OTOGL: variants seen among roughly 807,000 people sequenced by gnomAD.
OTOGL encodes otogelin like, also known as otogelin-like protein.
A neutral mutation model predicts 318.5 loss-of-function variants in OTOGL; 285 were observed. The ratio of observed to expected loss-of-function variants is 0.89; its 90% CI spans 0.81 to 0.99. OTOGL has a LOEUF of 0.99. Among genes scored for constraint, OTOGL ranks in the 50% least tolerant of loss-of-function variants. OTOGL has a pLI of 0.00. For synonymous variants in OTOGL, 987 were observed against 936.5 expected (o/e 1.05, Z -0.99); for missense variants, 2,899 against 2,845.6 (o/e 1.02, Z -0.43).
At chr12:80,283,299 G>A (rs988992739) in intron 26 of OTOGL, among the ~76,000 whole-genome samples, 26 of 151,972 alleles carry the variant, frequency 1.7e-4, no homozygotes, top group Middle Eastern at 6.8e-3. Flanking sequence ...TTCCAATAGC[G>A]TCATAAAGTC....
rs1390780609 is a variant in OTOGL at position 80,266,448 on chromosome 12, T to C, written c.2225-3T>C. ...TTCTCAAGTGATACTTCTTTGTCCT[T>C]AGCTGTGGTGTGCCAGAAGGGCATG... On this transcript the variant is annotated splice_polypyrimidine_tract_variant and splice_region_variant and intron_variant, in intron 20 of 58. Coordinates refer to ENST00000547103, the MANE Select transcript of OTOGL (RefSeq NM_001378609.3). 6.2e-7 allele frequency: 1 copy of C among 1,613,294 alleles called. No homozygotes were observed. Among genetic ancestry groups the C allele is most frequent in the African/African-American group, 1.3e-5 (1 of 75,020 alleles).
chr12:80,316,863 T>C (rs1887005367), intron 32 of OTOGL, among the ~76,000 whole-genome samples: 1 of 152,182 alleles, frequency 6.6e-6, no homozygotes, highest in Non-Finnish European at 1.5e-5. Flanking sequence ...CTAGTCCTTT[T>C]TGGGCATTTA....
chr12:80,282,849 T>C (rs754376806), intron 26 of OTOGL, among the ~76,000 whole-genome samples: 1 of 151,946 alleles, frequency 6.6e-6, no homozygotes, highest in Non-Finnish European at 1.5e-5. Context: ...GATATTATGA[T>C]TCTTTCTCTC....
intron 57 of OTOGL, among the ~76,000 whole-genome samples, chr12:80,374,309 AATG>A (rs1891061383): frequency 6.6e-6 from 1 of 152,098 alleles, no homozygotes. Context: ...AGCACCTCCT[AATG>A]ATCTCATTTT....
At chr12:80,195,899 A>G (rs912811822) in intron 1 of OTOGL, among the ~76,000 whole-genome samples, 2 of 152,218 alleles carry the variant, frequency 1.3e-5, no homozygotes, top group Non-Finnish European at 2.9e-5. Context: ...TTAAACGGTT[A>G]CCAGAATATC....
In OTOGL at chr12:80,257,970, C is replaced by T. The variant is rs1446800280; in HGVS notation, c.1857C>T (p.Gly619=). Residue 619 remains glycine, a synonymous_variant, in exon 18 of 59, where the codon GGC becomes GGT. Transcript: ENST00000547103. ...AWKRRTLGLC[G]TFNGNIRDDF... ...AAAGAAGAACATTAGGTCTGTGTGG[C>T]ACTTTTAATGGCAACATAAGGGATG... The T allele has an allele frequency of 1.9e-6, 3 of 1,593,266 alleles. No individual in the cohort carries two copies. The highest frequency in any genetic ancestry group is 1.7e-4 in the Middle Eastern group (1 of 6,000).
intron 11 of OTOGL, among the ~76,000 whole-genome samples, chr12:80,249,419 C>G (rs533091398): frequency 6.6e-6 from 1 of 151,350 alleles, no homozygotes; most frequent in Admixed American, 6.6e-5. Flanking sequence ...TTGGAATACC[C>G]TGCCGTGTGA....
At chr12:80,207,405 A>G (rs987444401) in intron 1 of OTOGL, among the ~76,000 whole-genome samples, 1 of 151,970 alleles carries the variant, frequency 6.6e-6, no homozygotes, top group Non-Finnish European at 1.5e-5. Flanking sequence ...GGGTTTTTCC[A>G]TGTTGGTCAG....
intron 26 of OTOGL, among the ~76,000 whole-genome samples, chr12:80,281,210 G>A (rs1884211559): frequency 6.6e-6 from 1 of 151,706 alleles, no homozygotes; most frequent in African/African-American, 2.4e-5. Flanking sequence ...TGATTGCTTT[G>A]GCTAGGACTT....
chr12:80,308,006 G>A (rs1348351087), intron 29 of OTOGL, among the ~76,000 whole-genome samples: 3 of 137,174 alleles, frequency 2.2e-5, no homozygotes, highest in Middle Eastern at 4.3e-3. Flanking sequence ...GGGCAGAGGC[G>A]CCCCTCACCT....
At position 80,333,072 on chromosome 12, in the gene OTOGL, A is replaced by G. The variant is rs775546073; in HGVS notation, c.4416A>G (p.Glu1472=). 1.3e-6 allele frequency: 2 copies of G among 1,592,100 alleles called. No homozygotes were observed. Among genetic ancestry groups the G allele is most frequent in the African/African-American group, 2.7e-5 (2 of 74,622 alleles). ...TGCTAACACCAACTACAGGCTTGGA[A>G]TGTGAGGTATGACTGAGCAATATCT... ...FDMLTPTTGL[E]CEPQKFDPVY... Residue 1472 remains glutamate (E), a synonymous_variant, in exon 38 of 59, where the codon GAA becomes GAG. Coordinates refer to ENST00000547103, the MANE Select transcript of OTOGL (RefSeq NM_001378609.3).
In OTOGL at chr12:80,219,838, A is replaced by G; in HGVS notation, c.260A>G (p.Asn87Ser). The change falls in exon 6 of 59, where the codon AAT (asparagine) becomes AGT (serine). Residue 87 changes from asparagine to serine, a missense_variant. Coordinates refer to ENST00000547103, the MANE Select transcript of OTOGL (RefSeq NM_001378609.3). The stretch of plus-strand genomic sequence containing the variant: ...GGTTCTTGTCCTTATGAATGCCTTA[A>G]TGGAGCTTTCTGTTCTAAGACTGGA... ...IKGSCPYECL[N>S]GAFCSKTGTC... is the part of the protein sequence containing the mutation. 1 of 1,591,000 alleles carries G rather than the reference A, an allele frequency of 6.3e-7. No homozygotes were observed. Among genetic ancestry groups the G allele is most frequent in the South Asian group, 1.1e-5 (1 of 90,496 alleles).
At chr12:80,265,510 T>C in intron 20 of OTOGL, 1 of 378,542 alleles carries the variant, frequency 2.6e-6, no homozygotes, top group East Asian at 5.7e-5. Context: ...GGAAATATCA[T>C]ATCTAAATAT....
chr12:80,332,821 C>T (rs910405582), intron 37 of OTOGL, among the ~76,000 whole-genome samples, 184 bp from the exon 38 acceptor site: 2 of 152,164 alleles, frequency 1.3e-5, no homozygotes, highest in Admixed American at 6.5e-5. Flanking sequence ...CCTTACTTCT[C>T]TACAGCTTAG....
intron 5 of OTOGL, among the ~76,000 whole-genome samples, chr12:80,218,787 T>TTTTC (rs1362558805): frequency 4.0e-5 from 6 of 148,814 alleles, no homozygotes; most frequent in Admixed American, 2.7e-4. Flanking sequence ...TTTTTTTTCT[T>TTTTC]TTTCTTTCTT....
chr12:80,141,599 T>A (rs1871950893), intron 1 of OTOGL, among the ~76,000 whole-genome samples: 1 of 152,166 alleles, frequency 6.6e-6, no homozygotes, highest in African/African-American at 2.4e-5. Flanking sequence ...ACTTGTTTCA[T>A]CAGCCCTTGC....
In OTOGL at chr12:80,328,319, AAACAAC is replaced by A. The variant is rs3045899; in HGVS notation, c.4200-317_4200-312del. On this transcript the variant is annotated intron_variant, in intron 35 of 58. Transcript: ENST00000547103. ...GGGTGACAGAGTGAGACCCTGTCAC[AAACAAC>A]AACAACAACAACAACAACAACAACA... Among the ~76,000 whole-genome samples the A allele has an allele frequency of 8.7e-4, 129 of 148,854 alleles. 2 individuals carry two copies. Among genetic ancestry groups the A allele is most frequent in the African/African-American group, 2.9e-3 (115 of 40,218 alleles).
intron 1 of OTOGL, among the ~76,000 whole-genome samples, chr12:80,127,682 A>C (rs1315621627): frequency 2.0e-5 from 3 of 152,216 alleles, no homozygotes; most frequent in African/African-American, 4.8e-5. Context: ...TACACCAATC[A>C]GATGTAGATT....
rs905383268 is a variant in OTOGL, at chr12:80,333,031, A to T, written c.4375A>T (p.Ile1459Phe). The change falls in exon 38 of 59, where the codon ATC becomes TTC. Residue 1459 changes from isoleucine (I) to phenylalanine (F), a missense_variant. Coordinates refer to ENST00000547103, the MANE Select transcript of OTOGL (RefSeq NM_001378609.3). ...TVWEMITPSD[I>F]TVFDMLTPTT... is the part of the protein sequence containing the mutation. Reference sequence around the variant, plus strand: ...TTGGGAAATGATTACTCCATCAGACATCACTGTGTTTGATATGCTAACACC... The same window carrying T: ...TTGGGAAATGATTACTCCATCAGACTTCACTGTGTTTGATATGCTAACACC... The T allele has an allele frequency of 3.7e-6, 6 of 1,601,566 alleles. No homozygotes were observed. Among genetic ancestry groups the T allele is most frequent in the Admixed American group, 3.4e-5 (2 of 58,616 alleles).
Sources: allele counts gnomAD v4.1 joint callset (sites outside exome capture counted in the v4.1 genomes callset), GRCh38; gene constraint gnomAD v4.1.1; transcripts MANE v1.5; gene names NCBI Gene and HGNC (gene_info 2026-07-23, HGNC 2026-07-21).